ITPK1: variants seen among roughly 807,000 people sequenced by gnomAD.
ITPK1 encodes inositol 1,3,4-trisphosphate 5/6-kinase.
Under a neutral mutation model 45.3 loss-of-function variants are expected in ITPK1, and 21 were observed. The observed-to-expected ratio is 0.46, with a 90% CI of 0.33 to 0.67. The LOEUF (loss-of-function observed/expected upper bound fraction) is 0.67. Ranked by LOEUF, ITPK1 falls within the 30% of genes least tolerant of loss-of-function variation. The pLI is 0.02. For synonymous variants in ITPK1, 258 were observed against 253.6 expected, an observed-to-expected ratio of 1.02 and a Z score of -0.16; for missense variants, 474 against 573.5, an observed-to-expected ratio of 0.83 and a Z score of 1.77.
At chr14:93,104,355 G>A (rs998541790) in intron 2 of ITPK1, among the ~76,000 whole-genome samples, 1 of 152,138 alleles carries the variant, frequency 6.6e-6, no homozygotes. Context: ...TGGGTGTGAT[G>A]GCGGGTGCCT....
chr14:93,022,465 T>C (rs955330710), intron 3 of ITPK1, among the ~76,000 whole-genome samples: 1 of 151,800 alleles, frequency 6.6e-6, no homozygotes, highest in Non-Finnish European at 1.5e-5. Flanking sequence ...GGGAGGATCA[T>C]TTGAGCCCAG....
intron 8 of ITPK1, among the ~76,000 whole-genome samples, chr14:92,956,569 A>G (rs564625432): frequency 6.6e-6 from 1 of 152,270 alleles, no homozygotes; most frequent in South Asian, 2.1e-4. Context: ...GTCGAGACGG[A>G]AACTGGCCCA....
At chr14:92,998,751 T>A (rs925996619) in intron 4 of ITPK1, among the ~76,000 whole-genome samples, 1 of 152,104 alleles carries the variant, frequency 6.6e-6, no homozygotes, top group African/African-American at 2.4e-5. Flanking sequence ...CAGAAATGGA[T>A]TCAAACACCA....
intron 2 of ITPK1, among the ~76,000 whole-genome samples, chr14:93,109,968 C>T (rs773230416): frequency 2.0e-5 from 3 of 152,216 alleles, no homozygotes; most frequent in South Asian, 2.1e-4. Context: ...CAGCGGCCGC[C>T]GCCACTGACA....
In ITPK1 at chr14:92,940,726, G is replaced by C. The variant is rs1887324407; in HGVS notation, c.*835C>G. 1 of 1,288,930 alleles carries C rather than the reference G, an allele frequency of 7.8e-7. No individual in the cohort carries two copies. Among genetic ancestry groups the C allele is most frequent in the Non-Finnish European group, 1.0e-6 (1 of 988,688 alleles). The allele number at this position is 1,288,930 out of a possible 1,614,324, so 79.8% of individuals were successfully genotyped here. ...AATGTCCACTAGAGACAAGGGGGTG[G>C]AGGCCCAAAGACCTGGAATGATTTG... On this transcript the variant is annotated 3_prime_UTR_variant, in exon 11 of 11. Transcript: ENST00000267615.
chr14:93,090,455 C>T (rs1891823788), intron 2 of ITPK1, among the ~76,000 whole-genome samples: 1 of 152,156 alleles, frequency 6.6e-6, no homozygotes. Context: ...GAATGCCTCC[C>T]GTGTGAAGGA....
Position 93,036,468 on chromosome 14 carries a change from A to G in ITPK1, c.121-19667T>C, listed in dbSNP as rs1595157873. Among the ~76,000 whole-genome samples, 2 of 152,152 alleles carry G rather than the reference A, an allele frequency of 1.3e-5. No homozygotes were observed. The highest frequency in any genetic ancestry group is 3.9e-4 in the East Asian group (2 of 5,194). On this transcript the variant is annotated intron_variant, in intron 3 of 10. Transcript: ENST00000267615. The surrounding 1 kb of genome is among the most constrained non-coding windows in gnomAD (Gnocchi z 4.1). ...CACGTCAGACACAGCCAACAATGACAAACACGTGACCTCCTCCGAGAGGCT... is the reference window on the plus strand; with the variant it reads ...CACGTCAGACACAGCCAACAATGACGAACACGTGACCTCCTCCGAGAGGCT...
intron 4 of ITPK1, among the ~76,000 whole-genome samples, chr14:93,003,131 C>A (rs572240655): frequency 2.2e-4 from 34 of 152,228 alleles, no homozygotes; most frequent in Non-Finnish European, 4.4e-4. Flanking sequence ...AATGGAGTGG[C>A]CCCTGCAGGG....
At chr14:92,997,943 T>C (rs1159268390) in intron 4 of ITPK1, among the ~76,000 whole-genome samples, 2 of 152,174 alleles carry the variant, frequency 1.3e-5, no homozygotes, top group Non-Finnish European at 2.9e-5. Context: ...CCACTGAGAA[T>C]CTGAGCAGAA....
intron 3 of ITPK1, among the ~76,000 whole-genome samples, chr14:93,052,836 A>C (rs1021179494): frequency 6.6e-6 from 1 of 152,052 alleles, no homozygotes; most frequent in South Asian, 2.1e-4. Flanking sequence ...GATGCCCCAA[A>C]GACTTGGAAA....
intron 3 of ITPK1, among the ~76,000 whole-genome samples, chr14:93,044,475 C>G (rs1487789185): frequency 1.3e-5 from 2 of 152,210 alleles, no homozygotes; most frequent in Non-Finnish European, 2.9e-5. Context: ...TGGCATCCCT[C>G]TGCTTGGCTG....
chr14:92,940,950 C>G lies in ITPK1; in HGVS notation c.*611G>C. ...CTTCCCTTTAGTGAGGGAGCACAGC[C>G]CAGACCCCAGCGCGGAACTCCCCTG... is the stretch of plus-strand genomic sequence containing the variant. On this transcript the variant is annotated 3_prime_UTR_variant, in exon 11 of 11. Coordinates refer to ENST00000267615, the MANE Select transcript of ITPK1 (RefSeq NM_014216.6). The G allele has an allele frequency of 7.0e-6, 9 of 1,287,186 alleles. No homozygotes were observed. The highest frequency in any genetic ancestry group is 9.1e-6 in the Non-Finnish European group (9 of 988,576). The allele number at this position is 1,287,186 out of a possible 1,614,324, so 79.7% of individuals were successfully genotyped here. A position where few individuals can be genotyped will look rare whatever the true frequency, so the allele number is the denominator to read the frequency against.
intron 2 of ITPK1, among the ~76,000 whole-genome samples, chr14:93,092,048 A>G (rs13379435): frequency 0.29 from 43,731 of 152,008 alleles, 7,012 homozygotes; most frequent in African/African-American, 0.44. Flanking sequence ...CTCATTCCCC[A>G]CTTTTTACAC....
intron 3 of ITPK1, among the ~76,000 whole-genome samples, chr14:93,018,116 C>G (rs1052112631): frequency 2.0e-5 from 3 of 152,178 alleles, no homozygotes; most frequent in African/African-American, 7.2e-5. Context: ...GCCTTGTCCT[C>G]TGGCCAAGTC....
At chr14:93,051,316 C>T (rs1217779074) in intron 3 of ITPK1, among the ~76,000 whole-genome samples, 1 of 152,192 alleles carries the variant, frequency 6.6e-6, no homozygotes, top group Non-Finnish European at 1.5e-5. Flanking sequence ...CCAGATCAAA[C>T]ACAGATCAAG....
rs746790231 is a variant in ITPK1, at chr14:93,063,962, C to A, written c.120+12633G>T. ...AAGCAATCCTACTAGGTGCTTACTG[C>A]CCAGACAACAGGGCTGGTGACCTTT... On this transcript the variant is annotated intron_variant, in intron 3 of 10. Transcript: ENST00000267615. This position sits in a 1 kb window ranked among gnomAD's most constrained non-coding sequence, Gnocchi z 4.3. 2.6e-5 allele frequency among the ~76,000 whole-genome samples: 4 copies of A among 152,108 alleles called. No individual in the cohort carries two copies. The highest frequency in any genetic ancestry group is 9.7e-5 in the African/African-American group (4 of 41,428).
chr14:93,027,165 G>C (rs1388252293), intron 3 of ITPK1, among the ~76,000 whole-genome samples: 1 of 152,332 alleles, frequency 6.6e-6, no homozygotes, highest in Admixed American at 6.5e-5. Context: ...AGCCACCACA[G>C]GGGAGAGGAC....
intron 2 of ITPK1, among the ~76,000 whole-genome samples, chr14:93,102,014 T>C (rs1892340014): frequency 6.6e-6 from 1 of 152,232 alleles, no homozygotes; most frequent in African/African-American, 2.4e-5. Context: ...TAACTGTCCT[T>C]ATACCACTTA....
intron 8 of ITPK1, among the ~76,000 whole-genome samples, chr14:92,952,690 C>T (rs1250121961): frequency 6.6e-6 from 1 of 152,196 alleles, no homozygotes; most frequent in Non-Finnish European, 1.5e-5. Context: ...CCCACAACAC[C>T]CGGCCCGTAC....
Sources: gnomAD v4.1 joint callset for allele counts (sites outside exome capture counted in the v4.1 genomes callset) on GRCh38, gnomAD v4.1.1 for gene constraint, Gnocchi (gnomAD v3.1) non-coding constraint, MANE v1.5 for transcripts, NCBI Gene and HGNC (gene_info 2026-07-23, HGNC 2026-07-21) for gene names.